APBB2: variants seen among roughly 807,000 people sequenced by gnomAD.
The protein encoded by APBB2 is Fe65-like 1.
APBB2 carries 38 observed loss-of-function variants against 82.5 expected under a neutral mutation model. That is an observed-to-expected ratio of 0.46 (90% confidence interval 0.36 to 0.60). The LOEUF is 0.60. APBB2 is among the 20% of genes least tolerant of loss of function. The pLI, the probability that APBB2 is intolerant of heterozygous loss-of-function variation, is 0.00. For missense variants in APBB2, 772 were observed against 972.3 expected (o/e 0.79, Z 2.74); for synonymous variants, 341 against 368.2 (o/e 0.93, Z 0.85).
At chr4:41,058,322 G>A (rs916490164) in intron 4 of APBB2, among the ~76,000 whole-genome samples, 4 of 150,798 alleles carry the variant, frequency 2.7e-5, no homozygotes, top group Admixed American at 1.3e-4. Flanking sequence ...AAGTTACAAA[G>A]AAGGGACTTA....
At chr4:40,842,338 G>A (rs767324398) in intron 12 of APBB2, 1 of 455,278 alleles carries the variant, frequency 2.2e-6, no homozygotes, top group African/African-American at 2.0e-5. Flanking sequence ...AAGACACCAC[G>A]AAGGGGGGAG....
intron 12 of APBB2, among the ~76,000 whole-genome samples, chr4:40,833,137 G>A (rs1234397959): frequency 6.6e-6 from 1 of 152,214 alleles, no homozygotes; most frequent in African/African-American, 2.4e-5. Flanking sequence ...CCTCCCTAGA[G>A]GGTCCTTCAG....
chr4:40,882,677 G>A (rs906888944), intron 12 of APBB2, among the ~76,000 whole-genome samples: 1 of 152,164 alleles, frequency 6.6e-6, no homozygotes, highest in East Asian at 1.9e-4. Context: ...AGAGAAGCAG[G>A]AGCGTAGTCT....
At chr4:41,180,790 C>A (rs80215116) in intron 1 of APBB2, among the ~76,000 whole-genome samples, 7,700 of 152,244 alleles carry the variant, frequency 0.051, 277 homozygotes, top group Non-Finnish European at 0.073. Context: ...ATTTACAAAT[C>A]CTACACTATG....
At chr4:40,886,931 T>A (rs1457717308) in intron 12 of APBB2, among the ~76,000 whole-genome samples, 1 of 152,148 alleles carries the variant, frequency 6.6e-6, no homozygotes, top group Non-Finnish European at 1.5e-5. Flanking sequence ...AACTCAACTA[T>A]GGCCAAGAAA....
chr4:40,851,973 T>C (rs966952486), intron 12 of APBB2, among the ~76,000 whole-genome samples: 1 of 152,014 alleles, frequency 6.6e-6, no homozygotes, highest in Non-Finnish European at 1.5e-5. Context: ...GTTACCCTCT[T>C]TGAATTGAAA....
intron 12 of APBB2, among the ~76,000 whole-genome samples, chr4:40,859,298 T>G (rs1337555560): frequency 6.6e-6 from 1 of 151,930 alleles, no homozygotes; most frequent in African/African-American, 2.4e-5. Flanking sequence ...TTTTTTTTTT[T>G]TTTTTGAGAC....
chr4:40,896,580 C>T (rs1033145083), intron 10 of APBB2, among the ~76,000 whole-genome samples: 18 of 152,150 alleles, frequency 1.2e-4, no homozygotes, highest in Admixed American at 5.2e-4. Flanking sequence ...AACACTTGAA[C>T]ATTTGTTGAA....
chr4:40,810,708 T>C lies in APBB2; in HGVS notation c.*5384A>G, dbSNP rs997066372. On this transcript the variant is annotated 3_prime_UTR_variant, in exon 18 of 18. Transcript: ENST00000508593. ...ATGTTATCACTCTTGTACAGAAAGA[T>C]ATAAAGTGCTCAGCTTATTTTGCTG... 2 of 151,976 alleles carry C rather than the reference T, an allele frequency of 1.3e-5. No individual in the cohort carries two copies. The highest frequency in any genetic ancestry group is 2.1e-4 in the South Asian group (1 of 4,832). 9.4% of individuals were successfully genotyped at this position (151,976 alleles called of 1,614,324 possible).
chr4:41,035,605 C>CA (rs1290179841), intron 4 of APBB2, among the ~76,000 whole-genome samples: 2 of 151,898 alleles, frequency 1.3e-5, no homozygotes, highest in Admixed American at 6.6e-5. Context: ...GAGAGAAAGT[C>CA]AAAAAAAGGC....
chr4:40,966,266 A>G (rs1794627276), intron 6 of APBB2, among the ~76,000 whole-genome samples: 1 of 152,110 alleles, frequency 6.6e-6, no homozygotes, highest in Non-Finnish European at 1.5e-5. Context: ...ACGAACTGCT[A>G]TGTAGTAAAG....
chr4:40,930,460 CGCGCGCGTGCGCGT>C lies in APBB2; in HGVS notation c.1254+3982_1254+3995del, dbSNP rs201889578. ...GTGTGTGTGTGTGTGCGCGCGCGCG[CGCGCGCGTGCGCGT>C]GCGCGTATGCGTGTGTATGTGTGTG... is the stretch of plus-strand genomic sequence containing the variant. On this transcript the variant is annotated intron_variant, in intron 10 of 17. Transcript: ENST00000508593. Among the ~76,000 whole-genome samples the C allele has an allele frequency of 2.7e-3, 376 of 138,912 alleles. 2 individuals are homozygous for C. The highest frequency in any genetic ancestry group is 7.8e-3 in the South Asian group (36 of 4,642). 91.1% of individuals were successfully genotyped at this position (138,912 alleles called of 152,430 possible). A position where few individuals can be genotyped will look rare whatever the true frequency, so the allele number is the denominator to read the frequency against.
At chr4:41,189,981 T>C (rs2342429) in intron 1 of APBB2, among the ~76,000 whole-genome samples, 10,022 of 152,274 alleles carry the variant, frequency 0.066, 412 homozygotes, top group African/African-American at 0.11. Context: ...ATTCAGCATG[T>C]CTTCAAATAG....
intron 4 of APBB2, among the ~76,000 whole-genome samples, chr4:41,041,192 T>C (rs1330329300): frequency 3.3e-5 from 5 of 152,198 alleles, no homozygotes; most frequent in Non-Finnish European, 7.3e-5. Context: ...ATGTGTGAAA[T>C]TTTAACTCAC....
At chr4:41,161,049 T>TG in intron 1 of APBB2, among the ~76,000 whole-genome samples, 1 of 151,932 alleles carries the variant, frequency 6.6e-6, no homozygotes, top group African/African-American at 2.4e-5. Flanking sequence ...GCATTAACTT[T>TG]GGGGATAAGA....
At chr4:41,172,909 G>A in intron 1 of APBB2, among the ~76,000 whole-genome samples, 1 of 152,026 alleles carries the variant, frequency 6.6e-6, no homozygotes, top group Non-Finnish European at 1.5e-5. Context: ...CAAGTTGCAA[G>A]GTAAAACATC....
chr4:41,199,565 C>A (rs965817275), intron 1 of APBB2, among the ~76,000 whole-genome samples: 8 of 152,150 alleles, frequency 5.3e-5, no homozygotes, highest in Non-Finnish European at 1.2e-4. Context: ...TTGATAAGAG[C>A]AACCTATAAT....
intron 3 of APBB2, among the ~76,000 whole-genome samples, chr4:41,087,595 AT>A (rs879415133): frequency 3.3e-3 from 480 of 144,420 alleles, no homozygotes; most frequent in East Asian, 9.8e-3. Flanking sequence ...TGACTGGCTA[AT>A]TTTTTTTTTT....
intron 6 of APBB2, among the ~76,000 whole-genome samples, chr4:40,987,123 G>A (rs1466956376): frequency 6.6e-6 from 1 of 152,182 alleles, no homozygotes; most frequent in African/African-American, 2.4e-5. Flanking sequence ...ATCCTTAAGA[G>A]AAGTAGTAGG....
Sources: gnomAD v4.1 joint callset for allele counts (sites outside exome capture counted in the v4.1 genomes callset) on GRCh38, gnomAD v4.1.1 for gene constraint, MANE v1.5 for transcripts, NCBI Gene and HGNC (gene_info 2026-07-23, HGNC 2026-07-21) for gene names.